LHFPL3: variants seen among roughly 807,000 people sequenced by gnomAD.
LHFPL3 encodes the protein LHFPL tetraspan subfamily member 3 protein.
LHFPL3 carries 5 observed loss-of-function variants against 19.3 expected under a neutral mutation model. The observed-to-expected ratio is 0.26, with a 90% CI of 0.14 to 0.54. The LOEUF is 0.54. Among genes scored for constraint, LHFPL3 ranks in the 20% least tolerant of loss-of-function variants. The pLI is 0.94. For missense variants in LHFPL3, 249 were observed against 307.4 expected, an observed-to-expected ratio of 0.81 and a Z score of 1.42; for synonymous variants, 133 against 126.2, an observed-to-expected ratio of 1.05 and a Z score of -0.36.
At chr7:104,536,210 A>G (rs1393491004) in intron 1 of LHFPL3, among the ~76,000 whole-genome samples, 3 of 152,228 alleles carry the variant, frequency 2.0e-5, no homozygotes, top group Non-Finnish European at 1.5e-5. Context: ...AAAGGTTTCT[A>G]AGTTTAAAAA....
chr7:104,344,814 T>C (rs989456519), intron 1 of LHFPL3, among the ~76,000 whole-genome samples: 4 of 152,236 alleles, frequency 2.6e-5, no homozygotes, highest in Admixed American at 1.3e-4. Flanking sequence ...AAATGGTAGA[T>C]CTACTTTATG....
chr7:104,814,137 T>C (rs1790523071), intron 2 of LHFPL3, among the ~76,000 whole-genome samples: 1 of 152,122 alleles, frequency 6.6e-6, no homozygotes, highest in Admixed American at 6.5e-5. Flanking sequence ...CATGGTGTCC[T>C]GATAAGTGTT....
chr7:104,518,003 C>T (rs1203956908), intron 1 of LHFPL3, among the ~76,000 whole-genome samples: 1 of 152,074 alleles, frequency 6.6e-6, no homozygotes, highest in South Asian at 2.1e-4. Flanking sequence ...TACCCCAGAA[C>T]TTAAAGTATA....
At chr7:104,656,092 T>C (rs369481747) in intron 1 of LHFPL3, among the ~76,000 whole-genome samples, 2 of 152,182 alleles carry the variant, frequency 1.3e-5, no homozygotes, top group African/African-American at 4.8e-5. Context: ...TCCATCTAAA[T>C]AAAATAAACA....
chr7:104,749,805 C>T (rs1329672655), intron 2 of LHFPL3, among the ~76,000 whole-genome samples: 5 of 152,162 alleles, frequency 3.3e-5, no homozygotes. Flanking sequence ...CACTGATTTA[C>T]CCACACCAGT....
chr7:104,360,359 T>G (rs1483894140), intron 1 of LHFPL3, among the ~76,000 whole-genome samples: 1 of 152,194 alleles, frequency 6.6e-6, no homozygotes, highest in East Asian at 1.9e-4. Flanking sequence ...CTCATGCTTG[T>G]CATACTTTAT....
At chr7:104,637,246 ATTTG>A (rs1326990888) in intron 1 of LHFPL3, among the ~76,000 whole-genome samples, 15 of 152,118 alleles carry the variant, frequency 9.9e-5, no homozygotes, top group Admixed American at 2.6e-4. Flanking sequence ...TTGCTTGTAA[ATTTG>A]TTTAAGTTCC....
intron 1 of LHFPL3, among the ~76,000 whole-genome samples, chr7:104,568,590 C>T (rs17138748): frequency 0.11 from 16,026 of 152,192 alleles, 1,739 homozygotes; most frequent in African/African-American, 0.28. Flanking sequence ...AAGTCCAATG[C>T]AGCCTTAGCT....
chr7:104,504,110 T>C (rs1562918450), intron 1 of LHFPL3, among the ~76,000 whole-genome samples: 2 of 152,210 alleles, frequency 1.3e-5, no homozygotes, highest in Non-Finnish European at 2.9e-5. Context: ...TGAATCTATT[T>C]TCTATTCCTT....
chr7:104,353,120 T>C (rs2116393438), intron 1 of LHFPL3, among the ~76,000 whole-genome samples: 1 of 152,340 alleles, frequency 6.6e-6, no homozygotes, highest in Middle Eastern at 3.4e-3. Flanking sequence ...AGCCCCGACA[T>C]GTTCATGAAA....
At chr7:104,574,991 C>T (rs955291097) in intron 1 of LHFPL3, among the ~76,000 whole-genome samples, 3 of 152,174 alleles carry the variant, frequency 2.0e-5, no homozygotes, top group Non-Finnish European at 4.4e-5. Context: ...TTTCACTAGA[C>T]AATGGTAACT....
At chr7:104,356,572 C>T (rs2116400087) in intron 1 of LHFPL3, among the ~76,000 whole-genome samples, 1 of 152,110 alleles carries the variant, frequency 6.6e-6, no homozygotes, top group Admixed American at 6.5e-5. Context: ...GGTTGGAGAG[C>T]ACAGAACAAA....
intron 1 of LHFPL3, among the ~76,000 whole-genome samples, chr7:104,619,017 A>G (rs1302574231): frequency 6.6e-6 from 1 of 152,146 alleles, no homozygotes; most frequent in Non-Finnish European, 1.5e-5. Context: ...AAACCAAACC[A>G]TTTATCATGA....
At chr7:104,498,001 G>A (rs1793521304) in intron 1 of LHFPL3, among the ~76,000 whole-genome samples, 1 of 135,992 alleles carries the variant, frequency 7.4e-6, no homozygotes, top group Non-Finnish European at 1.6e-5. Context: ...TTTTAGGGAG[G>A]TGGGAACCCT....
At chr7:104,553,070 AT>A (rs1017797020) in intron 1 of LHFPL3, among the ~76,000 whole-genome samples, 25 of 152,248 alleles carry the variant, frequency 1.6e-4, no homozygotes, top group African/African-American at 6.0e-4. Flanking sequence ...TATGATTATG[AT>A]TTTTTTATTA....
intron 1 of LHFPL3, among the ~76,000 whole-genome samples, chr7:104,717,834 C>G (rs960846797): frequency 1.3e-5 from 2 of 152,130 alleles, no homozygotes; most frequent in Non-Finnish European, 2.9e-5. Flanking sequence ...ATCAGGGTCT[C>G]AAGGAGATAT....
chr7:104,893,825 C>T (rs1449642176), intron 2 of LHFPL3, among the ~76,000 whole-genome samples: 2 of 150,888 alleles, frequency 1.3e-5, no homozygotes, highest in Non-Finnish European at 3.0e-5. Context: ...GGTGGCATAC[C>T]CCTGTAATCC....
At chr7:104,363,244 C>T (rs1790424349) in intron 1 of LHFPL3, among the ~76,000 whole-genome samples, 1 of 152,212 alleles carries the variant, frequency 6.6e-6, no homozygotes, top group African/African-American at 2.4e-5. Flanking sequence ...TGGTTAAAGG[C>T]AAGATACAGT....
chr7:104,329,479 C>G (rs1181702693), intron 1 of LHFPL3, among the ~76,000 whole-genome samples: 1 of 152,234 alleles, frequency 6.6e-6, no homozygotes, highest in African/African-American at 2.4e-5. Flanking sequence ...AGAGGGACGC[C>G]CCGGAGGCAG....
Sources: gnomAD v4.1 joint callset for allele counts (sites outside exome capture counted in the v4.1 genomes callset) on GRCh38, gnomAD v4.1.1 for gene constraint, MANE v1.5 for transcripts, NCBI Gene and HGNC (gene_info 2026-07-23, HGNC 2026-07-21) for gene names.